Variants in DDX60 observed in about 807,000 individuals in gnomAD.
DDX60 encodes probable ATP-dependent RNA helicase DDX60.
Under a neutral mutation model 212.8 loss-of-function variants are expected in DDX60, and 165 were observed. The observed-to-expected ratio is 0.78, with a 90% CI of 0.68 to 0.88. DDX60 has a LOEUF of 0.88. DDX60 is among the 40% of genes least tolerant of loss of function. DDX60 has a pLI of 0.00. For synonymous variants in DDX60, 703 were observed against 685.3 expected (o/e 1.03, Z -0.40); for missense variants, 1,905 against 2,003.9 (o/e 0.95, Z 0.94).
intron 33 of DDX60, among the ~76,000 whole-genome samples, chr4:168,230,751 T>C (rs984707778): frequency 1.3e-5 from 2 of 151,824 alleles, no homozygotes; most frequent in Non-Finnish European, 2.9e-5. Flanking sequence ...AGAGCAAAAA[T>C]AGACAATCTA....
chr4:168,232,812 C>G (rs980154747), intron 33 of DDX60, among the ~76,000 whole-genome samples: 1 of 151,840 alleles, frequency 6.6e-6, no homozygotes, highest in Admixed American at 6.6e-5. Flanking sequence ...AAAGGCTTCA[C>G]GACCAAGAAC....
chr4:168,224,887 A>T (rs866395408), intron 34 of DDX60, among the ~76,000 whole-genome samples: 3 of 151,904 alleles, frequency 2.0e-5, no homozygotes, highest in African/African-American at 7.2e-5. Flanking sequence ...ACAGACTCCA[A>T]TCTCACCCCA....
chr4:168,275,876 G>T, intron 15 of DDX60, 139 bp downstream of exon 15: 2 of 674,122 alleles, frequency 3.0e-6, no homozygotes, highest in Non-Finnish European at 2.3e-6. Context: ...CTTCAAGATT[G>T]GGCAGTTGGG....
chr4:168,246,315 GA>G, intron 30 of DDX60, 102 bp downstream of exon 30: 6 of 1,327,554 alleles, frequency 4.5e-6, no homozygotes, highest in Non-Finnish European at 6.3e-6. Flanking sequence ...AAAGACTGAT[GA>G]AACTCAAGGG....
intron 26 of DDX60, among the ~76,000 whole-genome samples, chr4:168,254,052 G>A (rs977437852): frequency 5.9e-5 from 9 of 152,248 alleles, no homozygotes; most frequent in Non-Finnish European, 1.3e-4. Context: ...AAAATTTGCA[G>A]AGCATGTGGC....
Position 168,262,075 on chromosome 4 carries a change from C to G in DDX60, c.3198G>C (p.Lys1066Asn). 1 of 1,601,042 alleles carries G rather than the reference C, an allele frequency of 6.2e-7. No individual in the cohort carries two copies. Among genetic ancestry groups the G allele is most frequent in the African/African-American group, 1.3e-5 (1 of 74,210 alleles). Residue 1066 changes from lysine (K) to asparagine (N), a missense_variant, in exon 24 of 38, where the codon AAG (lysine) becomes AAC (asparagine). Lys to Asn is a moderately conservative substitution (Grantham distance 94). Transcript: ENST00000393743. ...TCTCTTCATATTTCCTAGCATCCAT[C>G]TTTTTAATGACTAATTTATTGTTAA... ...IHFNNKLVIK[K>N]MDARKYEESL...
chr4:168,242,752 C>T (rs1386874725), intron 30 of DDX60, among the ~76,000 whole-genome samples: 3 of 152,078 alleles, frequency 2.0e-5, no homozygotes, highest in African/African-American at 7.2e-5. Flanking sequence ...TGAGTTAATG[C>T]TGAAATGAGT....
chr4:168,262,532 GATA>G, intron 23 of DDX60, 148 bp downstream of exon 23: 1 of 560,366 alleles, frequency 1.8e-6, no homozygotes, highest in South Asian at 2.7e-5. Context: ...AAAACAAACA[GATA>G]ATGTTAGAAA....
chr4:168,277,793 A>G (rs1045341443), intron 14 of DDX60, among the ~76,000 whole-genome samples: 2 of 147,486 alleles, frequency 1.4e-5, no homozygotes, highest in Non-Finnish European at 3.0e-5. Flanking sequence ...TGAGCGAAAG[A>G]GCGAGACTCC....
chr4:168,217,362 G>A (rs1001247489), intron 37 of DDX60, among the ~76,000 whole-genome samples: 3 of 152,030 alleles, frequency 2.0e-5, no homozygotes, highest in African/African-American at 7.2e-5. Flanking sequence ...ATCTCTTGTG[G>A]AGTCATTTTG....
chr4:168,221,519 A>T (rs72971437), intron 36 of DDX60, among the ~76,000 whole-genome samples: 4,694 of 152,234 alleles, frequency 0.031, 205 homozygotes, highest in African/African-American at 0.1. Flanking sequence ...CTAAGTGCCA[A>T]GATTTTGTTG....
At position 168,251,074 on chromosome 4, in the gene DDX60, A is replaced by C; in HGVS notation, c.3738T>G (p.Phe1246Leu). The C allele has an allele frequency of 6.2e-7, 1 of 1,613,592 alleles. No homozygotes were observed. Among genetic ancestry groups the C allele is most frequent in the Non-Finnish European group, 8.5e-7 (1 of 1,179,862 alleles). The part of the protein sequence containing the change: ...TLQKVFGRVK[F>L]ERKGEELKAL... ...CTTTCAATTCTTCACCTTTTCTTTC[A>C]AATTTTACTCGACCAAATACCTTCT... The change falls in exon 28 of 38, where the codon TTT becomes TTG. Residue 1246 changes from phenylalanine (F) to leucine (L), a missense_variant. Transcript: ENST00000393743.
chr4:168,309,669 T>C lies in DDX60; in HGVS notation c.74+1329A>G, dbSNP rs114608171. ...ACTGGAAAATCTAATGCCAGCACAA[T>C]ATGGTTTGATAATTTTGGAAAGAAG... On this transcript the variant is annotated intron_variant, in intron 3 of 37. Transcript: ENST00000393743. 9.1e-3 allele frequency among the ~76,000 whole-genome samples: 1,386 copies of C among 152,138 alleles called. 17 individuals are homozygous for C. The highest frequency in any genetic ancestry group is 0.029 in the African/African-American group (1,219 of 41,490).
At chr4:168,274,631 G>A (rs983153561) in intron 16 of DDX60, among the ~76,000 whole-genome samples, 1 of 152,118 alleles carries the variant, frequency 6.6e-6, no homozygotes, top group Non-Finnish European at 1.5e-5. Context: ...CGTGAATTGG[G>A]CATCAGAAGA....
At chr4:168,257,468 G>A (rs1395712774) in intron 25 of DDX60, among the ~76,000 whole-genome samples, 1 of 152,106 alleles carries the variant, frequency 6.6e-6, no homozygotes, top group Non-Finnish European at 1.5e-5. Flanking sequence ...ACCTGCCCAA[G>A]AGCCCACAGT....
At position 168,221,791 on chromosome 4, in the gene DDX60, T is replaced by G. The variant is rs1183514264; in HGVS notation, c.4915A>C (p.Asn1639His). ...FDNRGRKMSL[N>H]AYALDFYKHG... ...TTGTAGAAATCCAGTGCATAGGCAT[T>G]AAGCGACATTTTCCTTCCTCGGTTA... The change falls in exon 36 of 38, where the codon AAT (asparagine) becomes CAT (histidine). Residue 1639 changes from asparagine (N) to histidine (H), a missense_variant. Transcript: ENST00000393743. The G allele has an allele frequency of 3.1e-6, 5 of 1,613,236 alleles. No individual in the cohort carries two copies. The African/African-American group carries it at 6.7e-5, about 22-fold the overall frequency.
At chr4:168,244,726 AAAAAG>A (rs1483159822) in intron 30 of DDX60, among the ~76,000 whole-genome samples, 1 of 150,502 alleles carries the variant, frequency 6.6e-6, no homozygotes, top group African/African-American at 2.5e-5. Flanking sequence ...CTCTATCTCA[AAAAAG>A]AAAAGAAAAA....
At chr4:168,225,778 A>T in intron 33 of DDX60, 102 bp from the exon 34 acceptor site, 1 of 1,033,600 alleles carries the variant, frequency 9.7e-7, no homozygotes. Context: ...ATAATTCTAT[A>T]GTTATCTATT....
chr4:168,243,578 G>C (rs1036030562), intron 30 of DDX60, among the ~76,000 whole-genome samples: 2 of 152,118 alleles, frequency 1.3e-5, no homozygotes, highest in Non-Finnish European at 2.9e-5. Context: ...AATCAGAATG[G>C]CAATTATTAA....
Sources: gnomAD v4.1 joint callset for allele counts (sites outside exome capture counted in the v4.1 genomes callset) on GRCh38, gnomAD v4.1.1 for gene constraint, MANE v1.5 for transcripts, NCBI Gene and HGNC (gene_info 2026-07-23, HGNC 2026-07-21) for gene names.